The following DSE variants were observed in gnomAD, a reference collection of about 807,000 sequenced individuals.
DSE encodes dermatan sulfate epimerase.
Under a neutral mutation model 84.4 loss-of-function variants are expected in DSE, and 36 were observed. The ratio of observed to expected loss-of-function variants is 0.43; its 90% CI spans 0.33 to 0.56. DSE has a LOEUF of 0.56. DSE is among the 20% of genes least tolerant of loss of function. The pLI is 0.06. For missense variants in DSE, 862 were observed against 1,169.6 expected, an observed-to-expected ratio of 0.74 and a Z score of 3.84; for synonymous variants, 410 against 430.1, an observed-to-expected ratio of 0.95 and a Z score of 0.58.
chr6:116,278,805 T>A (rs1223606138), intron 2 of DSE: 7 of 1,614,080 alleles, frequency 4.3e-6, no homozygotes, highest in Non-Finnish European at 5.9e-6. Context: ...CGGAGGATCT[T>A]ACCTCATATT....
chr6:116,425,039 A>T (rs1407291270), intron 2 of DSE, among the ~76,000 whole-genome samples: 1 of 152,242 alleles, frequency 6.6e-6, no homozygotes, highest in East Asian at 1.9e-4. Flanking sequence ...ACAGGTAGGT[A>T]TCACAGATAT....
chr6:116,306,727 A>G (rs1280740970), intron 2 of DSE, among the ~76,000 whole-genome samples: 4 of 152,156 alleles, frequency 2.6e-5, no homozygotes, highest in Non-Finnish European at 5.9e-5. Flanking sequence ...ATAACTCTCA[A>G]TGTGATACTC....
chr6:116,393,870 A>G (rs1468225744), intron 1 of DSE, among the ~76,000 whole-genome samples: 1 of 152,184 alleles, frequency 6.6e-6, no homozygotes, highest in Non-Finnish European at 1.5e-5. Context: ...CTTTTGTACT[A>G]CCATTTGTTT....
chr6:116,378,044 G>A (rs1755628010), intron 1 of DSE, among the ~76,000 whole-genome samples: 1 of 152,112 alleles, frequency 6.6e-6, no homozygotes, highest in Non-Finnish European at 1.5e-5. Flanking sequence ...GGAATCACCT[G>A]CAGTGTTTAC....
upstream of DSE, among the ~76,000 whole-genome samples, chr6:116,367,520 G>A (rs1445721075): frequency 3.3e-5 from 5 of 152,066 alleles, no homozygotes; most frequent in Non-Finnish European, 5.9e-5. Flanking sequence ...TGTTATTTTA[G>A]GCTAAAGCCA....
Position 116,271,868 on chromosome 6 carries a change from TTAAA to T in DSE, c.-54+12904_-54+12907del, listed in dbSNP as rs552554416. On this transcript the variant is annotated intron_variant, in intron 2 of 3. Transcript: ENST00000430252. ...TTACTTACACTAAAATGCATAAATCTTAAATATATACTTGGACAAGTTTTGAAAA... is the reference window on the plus strand; with the variant it reads ...TTACTTACACTAAAATGCATAAATCTTATATACTTGGACAAGTTTTGAAAA... 4.2e-3 allele frequency among the ~76,000 whole-genome samples: 644 copies of T among 152,272 alleles called. 5 individuals are homozygous for T. Among genetic ancestry groups the T allele is most frequent in the Non-Finnish European group, 7.5e-3 (508 of 68,016 alleles).
At chr6:116,317,234 C>G (rs868291852) in intron 2 of DSE, among the ~76,000 whole-genome samples, 1 of 152,186 alleles carries the variant, frequency 6.6e-6, no homozygotes, top group South Asian at 2.1e-4. Context: ...TTCTGTTGTA[C>G]AGTCATTGGC....
chr6:116,285,825 G>T (rs1424802965), intron 2 of DSE, among the ~76,000 whole-genome samples: 2 of 152,152 alleles, frequency 1.3e-5, no homozygotes, highest in African/African-American at 4.8e-5. Context: ...AAGATCAGAT[G>T]GTTGTAGATG....
intron 2 of DSE, among the ~76,000 whole-genome samples, chr6:116,407,447 A>T (rs1782008039): frequency 6.6e-6 from 1 of 152,230 alleles, no homozygotes; most frequent in Admixed American, 6.5e-5. Flanking sequence ...TGGACAGATG[A>T]CTTTCAAAGT....
intron 2 of DSE, among the ~76,000 whole-genome samples, chr6:116,309,387 G>C (rs1436198379): frequency 6.6e-6 from 1 of 152,088 alleles, no homozygotes; most frequent in East Asian, 1.9e-4. Flanking sequence ...ATTATCTATT[G>C]TCTAGCATGG....
At chr6:116,390,809 G>A (rs550619603) in intron 1 of DSE, among the ~76,000 whole-genome samples, 4 of 152,222 alleles carry the variant, frequency 2.6e-5, no homozygotes, top group Admixed American at 6.5e-5. Context: ...CATAAGTGAC[G>A]TTTGTACACT....
At chr6:116,356,313 A>G (rs539945591) in intron 2 of DSE, among the ~76,000 whole-genome samples, 2 of 152,220 alleles carry the variant, frequency 1.3e-5, no homozygotes, top group African/African-American at 2.4e-5. Flanking sequence ...GCCTAAAGCT[A>G]TGATATCTAA....
At chr6:116,292,589 G>C (rs1371382507) in intron 2 of DSE, among the ~76,000 whole-genome samples, 1 of 152,108 alleles carries the variant, frequency 6.6e-6, no homozygotes, top group Non-Finnish European at 1.5e-5. Flanking sequence ...AGGGTTGAGG[G>C]AAGAATGTTT....
rs11970106 is a variant in DSE, at chr6:116,264,178, A to C, written c.-54+5211A>C. ...GGAAGTTCTCATGGATAATATCCTGAAATATGTTTTCCCAGTTGGTTCCAT... is the reference window on the plus strand; with the variant it reads ...GGAAGTTCTCATGGATAATATCCTGCAATATGTTTTCCCAGTTGGTTCCAT... On this transcript the variant is annotated intron_variant, in intron 2 of 3. Transcript: ENST00000430252. Among the ~76,000 whole-genome samples the C allele has an allele frequency of 5.9e-3, 905 of 152,294 alleles. 9 individuals are homozygous for C. The highest frequency in any genetic ancestry group is 0.02 in the African/African-American group (847 of 41,550).
At chr6:116,266,345 G>A (rs1197123607) in intron 2 of DSE, among the ~76,000 whole-genome samples, 3 of 152,118 alleles carry the variant, frequency 2.0e-5, no homozygotes, top group African/African-American at 7.2e-5. Context: ...AGGAAAATAA[G>A]CCTTATTTGT....
At chr6:116,300,453 A>G (rs1315713997) in intron 2 of DSE, among the ~76,000 whole-genome samples, 2 of 152,196 alleles carry the variant, frequency 1.3e-5, no homozygotes, top group Non-Finnish European at 2.9e-5. Flanking sequence ...CTGCTTGTTG[A>G]TAAAATTCCA....
At chr6:116,276,429 C>G (rs1451566889) in intron 2 of DSE, 1 of 152,206 alleles carries the variant, frequency 6.6e-6, no homozygotes, top group Admixed American at 6.5e-5. Flanking sequence ...TAAGCAGTTG[C>G]AACTGCTAAC....
rs115024541 is a variant in DSE at position 116,399,109 on chromosome 6, A to G, written c.-53-89A>G. On this transcript the variant is annotated intron_variant, in intron 1 of 5. Transcript: ENST00000644252. ...ATCTAAATTCATAAGCTTTATTTTC[A>G]CATATGGTTTCTACCTCTTATATGT... 3.1e-3 allele frequency: 3,183 copies of G among 1,034,526 alleles called. 67 individuals carry two copies. In the African/African-American group the frequency reaches 0.047, roughly 15 times the overall value. The allele number at this position is 1,034,526 out of a possible 1,614,324, so 64.1% of individuals were successfully genotyped here.
intron 2 of DSE, among the ~76,000 whole-genome samples, chr6:116,319,811 C>T (rs1776196414): frequency 6.6e-6 from 1 of 152,124 alleles, no homozygotes; most frequent in Non-Finnish European, 1.5e-5. Flanking sequence ...GTCAACTCAT[C>T]CAACATGTTG....
Sources: allele counts gnomAD v4.1 joint callset (sites outside exome capture counted in the v4.1 genomes callset), GRCh38; gene constraint gnomAD v4.1.1; transcripts MANE v1.5; gene names NCBI Gene and HGNC (gene_info 2026-07-23, HGNC 2026-07-21).